Variants in PTPRG observed in about 807,000 individuals in gnomAD.
PTPRG encodes protein tyrosine phosphatase receptor type G, also known as receptor-type tyrosine-protein phosphatase gamma.
PTPRG carries 102 observed loss-of-function variants against 165.3 expected under a neutral mutation model. The observed-to-expected ratio is 0.62, with a 90% confidence interval of 0.53 to 0.73. PTPRG has a LOEUF of 0.73. PTPRG is among the 30% of genes least tolerant of loss of function. The probability of loss-of-function intolerance (pLI) is 0.00; values close to 1 mark genes in which losing one functional copy is unlikely to be tolerated. For missense variants in PTPRG, 1,866 were observed against 1,861.4 expected (o/e 1.00, Z -0.05); for synonymous variants, 675 against 669.5 (o/e 1.01, Z -0.13).
intron 2 of PTPRG, among the ~76,000 whole-genome samples, 172 bp from the exon 3 acceptor site, chr3:61,989,453 C>T (rs1450463487): frequency 6.6e-6 from 1 of 152,190 alleles, no homozygotes; most frequent in Non-Finnish European, 1.5e-5. Flanking sequence ...AACATCTTTT[C>T]TGAAATCTTC....
chr3:61,670,040 T>C (rs995656738), intron 1 of PTPRG, among the ~76,000 whole-genome samples: 1 of 152,224 alleles, frequency 6.6e-6, no homozygotes, highest in Non-Finnish European at 1.5e-5. Context: ...ATTCAATCCC[T>C]TTGAACATTA....
chr3:62,018,525 C>G (rs115491792), intron 4 of PTPRG, among the ~76,000 whole-genome samples: 1,638 of 152,250 alleles, frequency 0.011, 22 homozygotes, highest in African/African-American at 0.037. Context: ...CTAAATGATT[C>G]GAAGTCTCCA....
intron 8 of PTPRG, among the ~76,000 whole-genome samples, chr3:62,177,031 AG>A (rs539637432): frequency 1.1e-3 from 160 of 152,272 alleles, no homozygotes; most frequent in African/African-American, 3.8e-3. Context: ...TGGGAGGCCA[AG>A]GTGGGAGGAT....
rs547716543 is a variant in PTPRG, at chr3:62,195,881, C to G, written c.1327+711C>G. ...TGGTGTTGGCTCACTGCAACCTCTG[C>G]CTCCTGGGTTCAAGTGATGCCTCAG... On this transcript the variant is annotated intron_variant, in intron 10 of 29. Transcript: ENST00000474889. This position sits in a 1 kb window ranked among gnomAD's most constrained non-coding sequence, Gnocchi z 4.4. Among the ~76,000 whole-genome samples the G allele has an allele frequency of 1.5e-3, 228 of 152,182 alleles. 1 individual carries two copies. In the Middle Eastern group the frequency reaches 0.065, roughly 43 times the overall value.
Position 61,671,680 on chromosome 3 carries a change from C to T in PTPRG, c.86-77198C>T, listed in dbSNP as rs753444786. 3.0e-3 allele frequency among the ~76,000 whole-genome samples: 400 copies of T among 131,248 alleles called. 2 individuals are homozygous for T. The highest frequency in any genetic ancestry group is 0.011 in the African/African-American group (375 of 34,560). 86.1% of individuals were successfully genotyped at this position (131,248 alleles called of 152,430 possible). ...TACACCTCGCAGACGGGGTGGTGGC[C>T]GGGCAGAGGGGCTCCTCACTTCCCA... On this transcript the variant is annotated intron_variant, in intron 1 of 29. Transcript: ENST00000474889.
chr3:61,836,485 G>C (rs1182545135), intron 2 of PTPRG, among the ~76,000 whole-genome samples: 1 of 152,090 alleles, frequency 6.6e-6, no homozygotes, highest in African/African-American at 2.4e-5. Context: ...CTTTACTTAG[G>C]GATAGTGATA....
intron 3 of PTPRG, among the ~76,000 whole-genome samples, chr3:62,002,983 C>T (rs376891610): frequency 6.6e-6 from 1 of 152,162 alleles, no homozygotes; most frequent in Admixed American, 6.5e-5. Context: ...TGAATCAGTG[C>T]TTAAAAAGAA....
chr3:62,069,684 T>TCACACACACA (rs1553712762), intron 4 of PTPRG, among the ~76,000 whole-genome samples: 25 of 145,056 alleles, frequency 1.7e-4, no homozygotes, highest in African/African-American at 6.3e-4. Context: ...TCTCTCTCTC[T>TCACACACACA]CACACACAGA....
intron 1 of PTPRG, among the ~76,000 whole-genome samples, chr3:61,646,300 G>A (rs985556525): frequency 6.6e-6 from 1 of 152,050 alleles, no homozygotes; most frequent in African/African-American, 2.4e-5. Flanking sequence ...TGGTAGAGAA[G>A]AGGTTTTGCC....
chr3:62,120,015 C>G (rs58558104), intron 5 of PTPRG, among the ~76,000 whole-genome samples: 1,525 of 152,244 alleles, frequency 0.01, 30 homozygotes, highest in African/African-American at 0.033. Flanking sequence ...AGCTTTTCAA[C>G]ATCCAGATGC....
chr3:62,243,376 G>A (rs1701208516), intron 14 of PTPRG, among the ~76,000 whole-genome samples: 1 of 152,096 alleles, frequency 6.6e-6, no homozygotes, highest in African/African-American at 2.4e-5. Context: ...TGTGTACTTG[G>A]GCTGTTTGAT....
intron 4 of PTPRG, among the ~76,000 whole-genome samples, chr3:62,072,696 T>C (rs1228736273): frequency 6.6e-6 from 1 of 152,048 alleles, no homozygotes; most frequent in African/African-American, 2.4e-5. Context: ...CTCTACATGA[T>C]GAAGGAATGT....
chr3:62,150,847 A>C lies in PTPRG; in HGVS notation c.683-6220A>C, dbSNP rs549866881. 3.3e-5 allele frequency among the ~76,000 whole-genome samples: 5 copies of C among 152,286 alleles called. No homozygotes were observed. The East Asian group carries it at 9.6e-4, about 29-fold the overall frequency. On this transcript the variant is annotated intron_variant, in intron 6 of 29. Transcript: ENST00000474889. ...GTCCAAATAACCTTCCAATCTTCCAATGTAATACATTGTTTATTGGGGTGT... is the reference window on the plus strand; with the variant it reads ...GTCCAAATAACCTTCCAATCTTCCACTGTAATACATTGTTTATTGGGGTGT...
chr3:62,036,628 G>T (rs905183605), intron 4 of PTPRG, among the ~76,000 whole-genome samples: 1 of 152,294 alleles, frequency 6.6e-6, no homozygotes, highest in Non-Finnish European at 1.5e-5. Flanking sequence ...ACCTGAATCA[G>T]TTCTAATGGT....
At chr3:62,290,451 A>ATGTT (rs1702840543) in intron 28 of PTPRG, among the ~76,000 whole-genome samples, 1 of 152,188 alleles carries the variant, frequency 6.6e-6, no homozygotes, top group Non-Finnish European at 1.5e-5. Flanking sequence ...TGAAAATTAT[A>ATGTT]TGTTTGAATC....
At chr3:62,042,482 G>C (rs1340447447) in intron 4 of PTPRG, among the ~76,000 whole-genome samples, 1 of 152,098 alleles carries the variant, frequency 6.6e-6, no homozygotes, top group Non-Finnish European at 1.5e-5. Context: ...TCTGATTCCA[G>C]GTCTCACCTT....
At chr3:61,832,800 T>C (rs979131586) in intron 2 of PTPRG, among the ~76,000 whole-genome samples, 1 of 152,208 alleles carries the variant, frequency 6.6e-6, no homozygotes, top group Non-Finnish European at 1.5e-5. Context: ...GCTGCATCCA[T>C]CACTTGAGCA....
intron 4 of PTPRG, among the ~76,000 whole-genome samples, chr3:62,035,220 A>G (rs1347133093): frequency 6.6e-6 from 1 of 152,252 alleles, no homozygotes; most frequent in Non-Finnish European, 1.5e-5. Flanking sequence ...AGCCAGAGCT[A>G]GAAGAAAGTA....
At chr3:61,939,828 C>T (rs193249134) in intron 2 of PTPRG, among the ~76,000 whole-genome samples, 1 of 151,428 alleles carries the variant, frequency 6.6e-6, no homozygotes, top group East Asian at 1.9e-4. Context: ...AATGTCCACC[C>T]ATGTTTGATG....
Sources: allele counts gnomAD v4.1 joint callset (sites outside exome capture counted in the v4.1 genomes callset), GRCh38; gene constraint gnomAD v4.1.1; non-coding constraint Gnocchi (gnomAD v3.1); transcripts MANE v1.5; gene names NCBI Gene and HGNC (gene_info 2026-07-23, HGNC 2026-07-21).